The following LIMK2 variants were observed in gnomAD, a reference collection of about 807,000 sequenced individuals.
The protein encoded by LIMK2 is LIM domain kinase 2.
Under a neutral mutation model 75.7 loss-of-function variants are expected in LIMK2, and 35 were observed. The ratio of observed to expected loss-of-function variants is 0.46; its 90% CI spans 0.35 to 0.61. The LOEUF (loss-of-function observed/expected upper bound fraction) is 0.61, where lower values mean the gene tolerates loss of function less well. Among genes scored for constraint, LIMK2 ranks in the 20% least tolerant of loss-of-function variants. The pLI is 0.00. For synonymous variants in LIMK2, 301 were observed against 319.2 expected (o/e 0.94, Z 0.61); for missense variants, 623 against 831.0 (o/e 0.75, Z 3.08).
intron 2 of LIMK2, chr22:31,248,746 C>T (rs775031403): frequency 1.9e-6 from 3 of 1,614,184 alleles, no homozygotes; most frequent in Non-Finnish European, 2.5e-6. Flanking sequence ...TCCCGGCTTA[C>T]TTCACCTCCA....
intron 1 of LIMK2, among the ~76,000 whole-genome samples, chr22:31,214,424 A>T (rs2048373230): frequency 1.3e-5 from 2 of 152,184 alleles, no homozygotes; most frequent in African/African-American, 4.8e-5. Flanking sequence ...AAGGTAAACA[A>T]TTGAGATAAG....
At chr22:31,276,707 C>A (rs1242662297) in intron 15 of LIMK2, 2 of 1,338,198 alleles carry the variant, frequency 1.5e-6, no homozygotes, top group Admixed American at 4.0e-5. Flanking sequence ...ACAGCGGCAC[C>A]GCGGGGGGCG....
chr22:31,262,212 C>G lies in LIMK2; in HGVS notation c.630C>G (p.Thr210=). 1.2e-6 allele frequency: 2 copies of G among 1,613,940 alleles called. No homozygotes were observed. Among genetic ancestry groups the G allele is most frequent in the Non-Finnish European group, 1.7e-6 (2 of 1,179,784 alleles). The part of the protein sequence containing the change: ...PGDRILEING[T]PVRTLRVEEV... ...ACCGCATCCTGGAGATCAATGGGAC[C>G]CCCGTCCGCACACTTCGAGTGGAGG... Residue 210 remains threonine, a synonymous_variant, in exon 6 of 16, where the codon ACC becomes ACG. Transcript: ENST00000331728. The surrounding 1 kb of genome is among the most constrained non-coding windows in gnomAD (Gnocchi z 5.0).
intron 1 of LIMK2, among the ~76,000 whole-genome samples, chr22:31,216,946 C>T (rs1439294963): frequency 6.6e-6 from 1 of 152,146 alleles, no homozygotes; most frequent in Non-Finnish European, 1.5e-5. Context: ...AAGAATTAGA[C>T]TATTTTACCT....
At chr22:31,237,240 G>A (rs1447579365) in intron 2 of LIMK2, among the ~76,000 whole-genome samples, 1 of 130,976 alleles carries the variant, frequency 7.6e-6, no homozygotes, top group East Asian at 2.3e-4. Flanking sequence ...CAGCCTGGGC[G>A]ACAGAGCAAG....
chr22:31,232,559 T>C (rs190214340), intron 2 of LIMK2, among the ~76,000 whole-genome samples: 2 of 152,302 alleles, frequency 1.3e-5, no homozygotes, highest in East Asian at 3.9e-4. Flanking sequence ...AATTAGGCAC[T>C]GTGGGGGATA....
chr22:31,277,009 A>T (rs759178690), intron 15 of LIMK2: 3 of 1,613,882 alleles, frequency 1.9e-6, no homozygotes, highest in Non-Finnish European at 2.5e-6. Context: ...GGACATGGAG[A>T]GTGACGATGC....
At chr22:31,221,775 G>T (rs941585221) in intron 1 of LIMK2, among the ~76,000 whole-genome samples, 4 of 152,092 alleles carry the variant, frequency 2.6e-5, no homozygotes, top group African/African-American at 9.7e-5. Flanking sequence ...GAGCCACTGC[G>T]CCCGGCCCTC....
rs763863787 is a variant in LIMK2 at position 31,272,642 on chromosome 22, A to G, written c.1496A>G (p.Asp499Gly). ...TTKKRTLRKNDRKKRYTVVGN... is the reference protein window; with the variant it reads ...TTKKRTLRKNGRKKRYTVVGN... The stretch of plus-strand genomic sequence containing the variant: ...AAGAAACGCACCTTGCGCAAGAACG[A>G]CCGCAAGAAGCGCTACACGGTGGTG... Residue 499 changes from aspartate to glycine, a missense_variant, in exon 13 of 16, where the codon GAC (aspartate) becomes GGC (glycine). Coordinates refer to ENST00000331728, the MANE Select transcript of LIMK2 (RefSeq NM_005569.4). The G allele has an allele frequency of 1.2e-6, 2 of 1,613,764 alleles. No individual in the cohort carries two copies. Among genetic ancestry groups the G allele is most frequent in the Non-Finnish European group, 1.7e-6 (2 of 1,179,904 alleles).
intron 4 of LIMK2, 22 bp from the exon 5 acceptor site, chr22:31,259,867 C>T (rs2048820106): frequency 4.4e-6 from 7 of 1,579,612 alleles, no homozygotes; most frequent in African/African-American, 1.4e-5. Context: ...GCATCTTATT[C>T]CCCCCTGTGC....
intron 2 of LIMK2, among the ~76,000 whole-genome samples, chr22:31,247,590 G>T (rs2048682929): frequency 6.6e-6 from 1 of 152,188 alleles, no homozygotes; most frequent in South Asian, 2.1e-4. Context: ...TAAAGAGCCA[G>T]AATGAAGCCT....
At chr22:31,246,410 C>G (rs2048670868) in intron 2 of LIMK2, among the ~76,000 whole-genome samples, 1 of 151,432 alleles carries the variant, frequency 6.6e-6, no homozygotes, top group Non-Finnish European at 1.5e-5. Context: ...AAGTAAATAT[C>G]TGTTGGAACA....
At chr22:31,218,637 C>T (rs2048407504) in intron 1 of LIMK2, among the ~76,000 whole-genome samples, 2 of 152,082 alleles carry the variant, frequency 1.3e-5, no homozygotes. Context: ...TTAATCCTTA[C>T]TGTTAGTCTT....
rs753644903 is a variant in LIMK2, at chr22:31,276,746, C to T, written c.1772+1438C>T. The T allele has an allele frequency of 2.4e-5, 37 of 1,557,524 alleles. No individual in the cohort carries two copies. In the South Asian group the frequency reaches 4.3e-4, roughly 18 times the overall value. ...CGTTGGCGGCCCCGGCCCCGGCCCC[C>T]AGGCCAGGCAGTGGCGGCCAAGGAC... On this transcript the variant is annotated intron_variant, in intron 15 of 15. Transcript: ENST00000331728.
chr22:31,238,066 G>A (rs1239338738), intron 2 of LIMK2, among the ~76,000 whole-genome samples: 4 of 139,132 alleles, frequency 2.9e-5, no homozygotes, highest in African/African-American at 1.1e-4. Context: ...AGTGAGCCGA[G>A]TTTGTGCCAC....
At chr22:31,273,863 A>G (rs938356545) in intron 14 of LIMK2, among the ~76,000 whole-genome samples, 1 of 151,784 alleles carries the variant, frequency 6.6e-6, no homozygotes, top group Admixed American at 6.6e-5. Flanking sequence ...ATGCCCGGCT[A>G]ATTTTTGTAT....
At chr22:31,274,534 G>A (rs2123866759) in intron 14 of LIMK2, among the ~76,000 whole-genome samples, 1 of 152,200 alleles carries the variant, frequency 6.6e-6, no homozygotes, top group African/African-American at 2.4e-5. Flanking sequence ...CCAAGTAGCT[G>A]GGACTACAGG....
rs35356989 is a variant in LIMK2 at position 31,265,191 on chromosome 22, C to CAAAAA, written c.855-734_855-730dup. On this transcript the variant is annotated intron_variant, in intron 7 of 15. Transcript: ENST00000331728. The stretch of plus-strand genomic sequence containing the variant: ...CCTGGGCGACAGAGTGAGACTCCAT[C>CAAAAA]AAAAAAAAAAAAAAAAAAAAAAAAA... Among the ~76,000 whole-genome samples, 8 of 34,498 alleles carry CAAAAA rather than the reference C, an allele frequency of 2.3e-4. 1 individual carries two copies. Among genetic ancestry groups the CAAAAA allele is most frequent in the African/African-American group, 5.7e-4 (4 of 7,040 alleles). 22.6% of individuals were successfully genotyped at this position (34,498 alleles called of 152,430 possible). A position where few individuals can be genotyped will look rare whatever the true frequency, so the allele number is the denominator to read the frequency against.
In LIMK2 at chr22:31,260,050, A is replaced by G. The variant is rs755048324; in HGVS notation, c.524A>G (p.Asn175Ser). 4 of 1,598,250 alleles carry G rather than the reference A, an allele frequency of 2.5e-6. No individual in the cohort carries two copies. The highest frequency in any genetic ancestry group is 2.2e-5 in the South Asian group (2 of 89,168). The change falls in exon 5 of 16, where the codon AAC becomes AGC. Residue 175 changes from asparagine (N) to serine (S), a missense_variant. Physicochemically the swap from Asn to Ser is conservative, Grantham distance 46. This residue lies in a region of LIMK2 where 514 missense variants were observed against 661.3 expected (regional missense o/e 0.78). Transcript: ENST00000331728. The stretch of plus-strand genomic sequence containing the variant: ...GTGTCCGTGGAGAGTGCCTGCTCCA[A>G]CTACGCCACCACTGTGCAAGTGAAA... ...FSVSVESACS[N>S]YATTVQVKEV...
Sources: allele counts gnomAD v4.1 joint callset (sites outside exome capture counted in the v4.1 genomes callset), GRCh38; gene constraint gnomAD v4.1.1; regional missense constraint gnomAD v4.1.1; non-coding constraint Gnocchi (gnomAD v3.1); transcripts MANE v1.5; gene names NCBI Gene and HGNC (gene_info 2026-07-23, HGNC 2026-07-21).